Variants in ZNF536 observed in about 807,000 individuals in gnomAD.
ZNF536 encodes zinc finger protein 536.
A neutral mutation model predicts 84.5 loss-of-function variants in ZNF536; 13 were observed. That is an observed-to-expected ratio of 0.15 (90% confidence interval 0.10 to 0.24). ZNF536 has a LOEUF of 0.24. Among genes scored for constraint, ZNF536 ranks in the 10% least tolerant of loss-of-function variants. The pLI is 1.00. For missense variants in ZNF536, 1,536 were observed against 1,747.5 expected (o/e 0.88, Z 2.16); for synonymous variants, 811 against 742.5 (o/e 1.09, Z -1.50).
chr19:30,659,322 C>T (rs1302428781), intron 1 of ZNF536, among the ~76,000 whole-genome samples: 36 of 151,714 alleles, frequency 2.4e-4, no homozygotes, highest in Admixed American at 6.6e-5. Flanking sequence ...TGGGAGGTGC[C>T]ACACACATTT....
upstream of ZNF536, among the ~76,000 whole-genome samples, chr19:30,370,804 T>C (rs2048587449): frequency 6.6e-6 from 1 of 152,224 alleles, no homozygotes; most frequent in Non-Finnish European, 1.5e-5. Context: ...TATTAAATGA[T>C]AAGTACGTAT....
Position 30,329,416 on chromosome 19 carries a change from G to A in ZNF536, c.-119-22952G>A, listed in dbSNP as rs1485603155. 2.6e-5 allele frequency among the ~76,000 whole-genome samples: 4 copies of A among 152,198 alleles called. No homozygotes were observed. The East Asian group carries it at 7.7e-4, about 29-fold the overall frequency. On this transcript the variant is annotated intron_variant, in intron 2 of 5. Transcript: ENST00000585628. ...GGGGCTGGGGAATGGGAGGTGGGGA[G>A]GAATCTATTCTACAGAATATCTGTT...
intron 3 of ZNF536, among the ~76,000 whole-genome samples, chr19:30,536,894 C>T (rs1156666426): frequency 1.3e-5 from 2 of 152,200 alleles, no homozygotes; most frequent in African/African-American, 4.8e-5. Context: ...CTTGCTGCTT[C>T]CCCTTCAGAG....
intron 1 of ZNF536, among the ~76,000 whole-genome samples, chr19:30,282,954 T>C (rs1264634347): frequency 6.6e-6 from 1 of 152,188 alleles, no homozygotes; most frequent in East Asian, 1.9e-4. Context: ...TGTGGCACCC[T>C]GAGAAAACAC....
At chr19:30,592,138 A>G (rs962397714) in intron 1 of ZNF536, among the ~76,000 whole-genome samples, 2 of 152,212 alleles carry the variant, frequency 1.3e-5, no homozygotes, top group African/African-American at 4.8e-5. Flanking sequence ...ATCAGAATAC[A>G]GATGTGCAGA....
intron 1 of ZNF536, among the ~76,000 whole-genome samples, chr19:30,237,703 T>C (rs2023639015): frequency 6.6e-6 from 1 of 152,198 alleles, no homozygotes. Flanking sequence ...GCATTTTGTT[T>C]GCTAATTAAA....
rs375737423 is a variant in ZNF536, at chr19:30,247,271, C to T, written c.-190+18598C>T. Among the ~76,000 whole-genome samples, 9 of 152,346 alleles carry T rather than the reference C, an allele frequency of 5.9e-5. No individual in the cohort carries two copies. The East Asian group carries it at 7.7e-4, about 13-fold the overall frequency. On this transcript the variant is annotated intron_variant, in intron 1 of 5. Transcript: ENST00000585628. ...GGAGGCAGAAATCCCAGGTCCTGGCCTTTGCTTGGTGATTCACTTGGGTAC... is the reference window on the plus strand; with the variant it reads ...GGAGGCAGAAATCCCAGGTCCTGGCTTTTGCTTGGTGATTCACTTGGGTAC...
chr19:30,493,268 G>T (rs1448230874), intron 2 of ZNF536, among the ~76,000 whole-genome samples: 1 of 151,674 alleles, frequency 6.6e-6, no homozygotes, highest in East Asian at 1.9e-4. Flanking sequence ...ATATTTATTG[G>T]CAACTTTAGC....
At chr19:30,571,351 T>G (rs2046539359) in intron 1 of ZNF536, among the ~76,000 whole-genome samples, 1 of 151,844 alleles carries the variant, frequency 6.6e-6, no homozygotes, top group African/African-American at 2.4e-5. Context: ...GGGACTTCAG[T>G]GAAATATAAA....
intron 1 of ZNF536, among the ~76,000 whole-genome samples, chr19:30,591,803 G>A (rs184087364): frequency 4.1e-4 from 62 of 152,258 alleles, no homozygotes; most frequent in African/African-American, 1.5e-3. Flanking sequence ...ACATCCCTTG[G>A]AGAGGGGCAC....
intron 2 of ZNF536, among the ~76,000 whole-genome samples, chr19:30,528,908 G>T (rs535293972): frequency 1.1e-4 from 16 of 150,548 alleles, no homozygotes; most frequent in Non-Finnish European, 1.9e-4. Flanking sequence ...TGGGGTCAGC[G>T]GGGAGAATGA....
Position 30,443,830 on chromosome 19 carries a change from C to A in ZNF536, c.268C>A (p.Arg90=), listed in dbSNP as rs1462410123. Residue 90 remains arginine (R), a synonymous_variant, in exon 2 of 5, where the codon CGG becomes AGG. Coordinates refer to ENST00000355537, the MANE Select transcript of ZNF536 (RefSeq NM_014717.3). ...GGCGCTCCTGGCCAACCAGCTGGGC[C>A]GGGAGGTGGACACCAGCCTCAACGG... ...QMALLANQLG[R]EVDTSLNGRV... is the part of the protein sequence containing the mutation. The A allele has an allele frequency of 6.2e-7, 1 of 1,613,056 alleles. No homozygotes were observed. Among genetic ancestry groups the A allele is most frequent in the East Asian group, 2.2e-5 (1 of 44,872 alleles).
Position 30,512,962 on chromosome 19 carries a change from T to C in ZNF536, c.2171-21885T>C, listed in dbSNP as rs773637217. Among the ~76,000 whole-genome samples, 9 of 152,242 alleles carry C rather than the reference T, an allele frequency of 5.9e-5. No individual in the cohort carries two copies. The South Asian group carries it at 1.2e-3, about 21-fold the overall frequency. On this transcript the variant is annotated intron_variant, in intron 2 of 4. Coordinates refer to ENST00000355537, the MANE Select transcript of ZNF536 (RefSeq NM_014717.3). ...CGGATGGTGTTATGTTGCTCTGGAGTAAGGAAATAAATCCCCTCTGGGTGC... is the reference window on the plus strand; with the variant it reads ...CGGATGGTGTTATGTTGCTCTGGAGCAAGGAAATAAATCCCCTCTGGGTGC...
At chr19:30,625,606 C>T (rs1027146667) in intron 1 of ZNF536, among the ~76,000 whole-genome samples, 2 of 152,348 alleles carry the variant, frequency 1.3e-5, no homozygotes, top group South Asian at 4.1e-4. Context: ...TTTAAAAATT[C>T]ACTCAAGGTC....
At chr19:30,473,873 C>T (rs1284671741) in intron 2 of ZNF536, among the ~76,000 whole-genome samples, 4 of 152,214 alleles carry the variant, frequency 2.6e-5, no homozygotes, top group Non-Finnish European at 5.9e-5. Flanking sequence ...GACCAGGGTC[C>T]AGATCTCAGT....
At chr19:30,464,532 G>A (rs2053298006) in intron 2 of ZNF536, among the ~76,000 whole-genome samples, 1 of 152,028 alleles carries the variant, frequency 6.6e-6, no homozygotes, top group Admixed American at 6.6e-5. Flanking sequence ...TCATGAATTG[G>A]ATGAAAATCA....
chr19:30,236,613 T>C (rs2023538075), intron 1 of ZNF536, among the ~76,000 whole-genome samples: 1 of 151,956 alleles, frequency 6.6e-6, no homozygotes, highest in Admixed American at 6.6e-5. Context: ...CAAGATAACA[T>C]GAACATTTCC....
At chr19:30,535,808 C>A (rs1456915610) in intron 3 of ZNF536, among the ~76,000 whole-genome samples, 1 of 152,094 alleles carries the variant, frequency 6.6e-6, no homozygotes, top group Admixed American at 6.5e-5. Context: ...GTATGAGCTG[C>A]TTCAGAGGCT....
chr19:30,271,521 G>C (rs953015988), intron 1 of ZNF536, among the ~76,000 whole-genome samples: 1 of 152,012 alleles, frequency 6.6e-6, no homozygotes, highest in South Asian at 2.1e-4. Flanking sequence ...AAGTTCACCA[G>C]GATAGCTGTA....
Sources: allele counts gnomAD v4.1 joint callset (sites outside exome capture counted in the v4.1 genomes callset), GRCh38; gene constraint gnomAD v4.1.1; transcripts MANE v1.5; gene names NCBI Gene and HGNC (gene_info 2026-07-23, HGNC 2026-07-21).